TRAPPC9: variants seen among roughly 807,000 people sequenced by gnomAD.
The protein encoded by TRAPPC9 is trafficking protein particle complex subunit 9.
In TRAPPC9, 83 loss-of-function variants were observed where a neutral mutation model predicts 124.0. The ratio of observed to expected loss-of-function variants is 0.67; its 90% CI spans 0.56 to 0.80. The LOEUF is 0.80. Ranked by LOEUF, TRAPPC9 falls within the 30% of genes least tolerant of loss-of-function variation. The pLI is 0.00. For missense variants in TRAPPC9, 1,302 were observed against 1,508.3 expected (o/e 0.86, Z 2.27); for synonymous variants, 638 against 617.5 (o/e 1.03, Z -0.49).
chr8:140,085,828 G>A (rs1273440814), intron 17 of TRAPPC9, among the ~76,000 whole-genome samples: 2 of 152,174 alleles, frequency 1.3e-5, no homozygotes, highest in African/African-American at 2.4e-5. Context: ...CTCTGTCAAC[G>A]CATTGCCTCT....
At chr8:139,920,843 A>G (rs1455154067) in intron 19 of TRAPPC9, among the ~76,000 whole-genome samples, 1 of 152,252 alleles carries the variant, frequency 6.6e-6, no homozygotes, top group Non-Finnish European at 1.5e-5. Flanking sequence ...GTGCATTGAC[A>G]AAATCTCAGC....
chr8:140,057,976 G>A (rs566043255), intron 17 of TRAPPC9, among the ~76,000 whole-genome samples: 2 of 152,184 alleles, frequency 1.3e-5, no homozygotes, highest in Non-Finnish European at 2.9e-5. Flanking sequence ...CACGCTGGGG[G>A]CAGCATCCAC....
At position 139,850,036 on chromosome 8, in the gene TRAPPC9, A is replaced by C. The variant is rs576548089; in HGVS notation, c.3055+35843T>G. On this transcript the variant is annotated intron_variant, in intron 21 of 22. Transcript: ENST00000438773. ...CTTCTCGGTTCCCGCATCAGCTCCCAGGAACACTTGAGCCCAACCCTGCAT... is the reference window on the plus strand; with the variant it reads ...CTTCTCGGTTCCCGCATCAGCTCCCCGGAACACTTGAGCCCAACCCTGCAT... 5.9e-5 allele frequency among the ~76,000 whole-genome samples: 9 copies of C among 152,248 alleles called. No individual in the cohort carries two copies. In the East Asian group the frequency reaches 1.7e-3, roughly 29 times the overall value.
In TRAPPC9 at chr8:140,275,828, TAAG is replaced by T. The variant is rs767038704; in HGVS notation, c.2115-10_2115-8del. ...TTGCAATGAATGTGCAGATCTAAAA[TAAG>T]AAGAAGAAATTTAAAGAAGAAAGAA... On this transcript the variant is annotated splice_region_variant and splice_polypyrimidine_tract_variant and intron_variant, in intron 14 of 22. Coordinates refer to ENST00000438773, the MANE Select transcript of TRAPPC9 (RefSeq NM_001160372.4). 120 of 1,608,088 alleles carry T rather than the reference TAAG, an allele frequency of 7.5e-5. No individual in the cohort carries two copies. In the Middle Eastern group the frequency reaches 2.5e-3, roughly 33 times the overall value.
At chr8:140,229,730 G>T (rs1455623782) in intron 16 of TRAPPC9, among the ~76,000 whole-genome samples, 1 of 151,906 alleles carries the variant, frequency 6.6e-6, no homozygotes, top group African/African-American at 2.4e-5. Context: ...GCTAATTTTT[G>T]CATTTTTAGT....
intron 15 of TRAPPC9, among the ~76,000 whole-genome samples, chr8:140,266,377 C>T (rs1488807612): frequency 5.3e-5 from 8 of 149,922 alleles, no homozygotes; most frequent in African/African-American, 1.7e-4. Flanking sequence ...GCAGGAGAAT[C>T]GCTTAAACCT....
At chr8:139,964,932 T>C (rs1343370940) in intron 19 of TRAPPC9, among the ~76,000 whole-genome samples, 1 of 152,246 alleles carries the variant, frequency 6.6e-6, no homozygotes, top group Admixed American at 6.5e-5. Context: ...GCAGCTGATC[T>C]ATCCTATCGT....
intron 21 of TRAPPC9, among the ~76,000 whole-genome samples, chr8:139,747,040 C>T (rs1818946814): frequency 6.6e-6 from 1 of 152,228 alleles, no homozygotes; most frequent in African/African-American, 2.4e-5. Flanking sequence ...TGGCTGGAAG[C>T]ATTATGCAAA....
At chr8:139,770,499 C>T (rs191462504) in intron 21 of TRAPPC9, among the ~76,000 whole-genome samples, 69 of 152,324 alleles carry the variant, frequency 4.5e-4, no homozygotes, top group African/African-American at 1.6e-3. Context: ...GCTGCTTTGG[C>T]GAGATGGGCC....
intron 17 of TRAPPC9, among the ~76,000 whole-genome samples, chr8:140,048,341 T>C (rs1841754718): frequency 6.6e-6 from 1 of 152,148 alleles, no homozygotes; most frequent in South Asian, 2.1e-4. Context: ...TCAGATGGCA[T>C]AAAGACAATC....
At chr8:140,129,663 G>C (rs1193991334) in intron 17 of TRAPPC9, among the ~76,000 whole-genome samples, 1 of 148,772 alleles carries the variant, frequency 6.7e-6, no homozygotes, top group South Asian at 2.1e-4. Flanking sequence ...GTGAGAGCCA[G>C]CTTTCTCCCC....
chr8:139,961,665 C>A (rs1007991616), intron 19 of TRAPPC9, among the ~76,000 whole-genome samples: 1 of 122,838 alleles, frequency 8.1e-6, no homozygotes, highest in African/African-American at 2.6e-5. Context: ...AAGGACCCTC[C>A]CCTCATCCCT....
At position 139,981,923 on chromosome 8, in the gene TRAPPC9, G is replaced by A. The variant is rs1032565321; in HGVS notation, c.2810+6803C>T. Among the ~76,000 whole-genome samples, 5 of 152,206 alleles carry A rather than the reference G, an allele frequency of 3.3e-5. No individual in the cohort carries two copies. The South Asian group carries it at 6.2e-4, about 19-fold the overall frequency. On this transcript the variant is annotated intron_variant, in intron 19 of 22. Coordinates refer to ENST00000438773, the MANE Select transcript of TRAPPC9 (RefSeq NM_001160372.4). ...AGCAGCCGCAGCGTTTGGGTGCTTC[G>A]GTGCCAGGTCCGCTGCACCCTCTAA...
At chr8:140,440,995 T>TTTG (rs1362108567) in intron 2 of TRAPPC9, among the ~76,000 whole-genome samples, 131 of 139,076 alleles carry the variant, frequency 9.4e-4, no homozygotes, top group Non-Finnish European at 1.5e-3. Flanking sequence ...TTTTTTTTTT[T>TTTG]GGAGACAAGG....
intron 5 of TRAPPC9, among the ~76,000 whole-genome samples, chr8:140,422,421 C>T (rs1467967697): frequency 3.3e-5 from 5 of 151,964 alleles, no homozygotes; most frequent in African/African-American, 4.8e-5. Flanking sequence ...AAAAATTTTG[C>T]GAATCATATA....
intron 9 of TRAPPC9, among the ~76,000 whole-genome samples, chr8:140,359,550 G>C (rs1390946149): frequency 6.6e-5 from 10 of 152,130 alleles, no homozygotes; most frequent in East Asian, 5.8e-4. Flanking sequence ...GTTCTGGAAG[G>C]GGGGATGGAG....
chr8:139,747,280 A>G (rs1330484388), intron 21 of TRAPPC9, among the ~76,000 whole-genome samples: 1 of 152,106 alleles, frequency 6.6e-6, no homozygotes, highest in Non-Finnish European at 1.5e-5. Context: ...TCATCTGCCA[A>G]TCAGATCATA....
At chr8:140,335,224 C>T (rs78319742) in intron 9 of TRAPPC9, among the ~76,000 whole-genome samples, 2,312 of 152,174 alleles carry the variant, frequency 0.015, 71 homozygotes, top group African/African-American at 0.053. Flanking sequence ...CGCAATGTGA[C>T]GCACAGGCTG....
chr8:139,900,687 G>A (rs1830962553), intron 20 of TRAPPC9, among the ~76,000 whole-genome samples: 1 of 152,158 alleles, frequency 6.6e-6, no homozygotes, highest in Non-Finnish European at 1.5e-5. Context: ...CAGATGCAAA[G>A]CAAATGCACA....
Sources: allele counts gnomAD v4.1 joint callset (sites outside exome capture counted in the v4.1 genomes callset), GRCh38; gene constraint gnomAD v4.1.1; transcripts MANE v1.5; gene names NCBI Gene and HGNC (gene_info 2026-07-23, HGNC 2026-07-21).